Variants in RAB28 observed in about 807,000 individuals in gnomAD.
The protein encoded by RAB28 is RAB28, member RAS oncogene family, also known as ras-related protein Rab-28.
Under a neutral mutation model 31.7 loss-of-function variants are expected in RAB28, and 24 were observed. That is an observed-to-expected ratio of 0.76 (90% CI 0.55 to 1.06). The LOEUF is 1.06. Among genes scored for constraint, RAB28 ranks in the 50% least tolerant of loss-of-function variants. The probability of loss-of-function intolerance (pLI) is 0.00; values close to 1 mark genes in which losing one functional copy is unlikely to be tolerated. For missense variants in RAB28, 254 were observed against 258.5 expected (o/e 0.98, Z 0.12); for synonymous variants, 100 against 90.4 (o/e 1.11, Z -0.60).
At chr4:13,442,143 T>C (rs761246325) in intron 4 of RAB28, among the ~76,000 whole-genome samples, 50 of 152,200 alleles carry the variant, frequency 3.3e-4, no homozygotes, top group Middle Eastern at 3.2e-3. Flanking sequence ...ACGTTCACCA[T>C]TTACAATTTT....
chr4:13,420,570 G>A (rs199989178), intron 4 of RAB28, among the ~76,000 whole-genome samples: 2 of 151,854 alleles, frequency 1.3e-5, no homozygotes, highest in African/African-American at 4.8e-5. Flanking sequence ...AGATCAAGTC[G>A]GCTTCATCCC....
chr4:13,418,157 T>C (rs185232904), intron 4 of RAB28, among the ~76,000 whole-genome samples: 297 of 152,192 alleles, frequency 2.0e-3, no homozygotes, highest in African/African-American at 6.8e-3. Flanking sequence ...GTATCAGCGA[T>C]TGAAGATCAA....
At chr4:13,483,291 C>G (rs1038504320) in intron 1 of RAB28, among the ~76,000 whole-genome samples, 17 of 152,088 alleles carry the variant, frequency 1.1e-4, no homozygotes, top group Non-Finnish European at 2.1e-4. Flanking sequence ...TTCTCACGCC[C>G]GCATTCATTC....
intron 4 of RAB28, among the ~76,000 whole-genome samples, chr4:13,452,431 G>T (rs944696809): frequency 9.2e-5 from 14 of 151,788 alleles, no homozygotes; most frequent in African/African-American, 3.1e-4. Context: ...TCTTAGTATT[G>T]CTTTTGCTGT....
chr4:13,427,630 G>C (rs1460911476), intron 4 of RAB28, among the ~76,000 whole-genome samples: 1 of 152,170 alleles, frequency 6.6e-6, no homozygotes, highest in African/African-American at 2.4e-5. Flanking sequence ...GTTTCCTTCA[G>C]TATATTTTTT....
intron 4 of RAB28, among the ~76,000 whole-genome samples, chr4:13,384,118 G>C (rs1403575626): frequency 6.6e-6 from 1 of 152,084 alleles, no homozygotes; most frequent in Non-Finnish European, 1.5e-5. Context: ...CAACACTGCC[G>C]CAAGAGTGAA....
chr4:13,391,278 T>C (rs974312004), intron 4 of RAB28, among the ~76,000 whole-genome samples: 2 of 152,176 alleles, frequency 1.3e-5, no homozygotes, highest in Admixed American at 1.3e-4. Flanking sequence ...AGAAGACATT[T>C]ATGCGGCCAA....
intron 3 of RAB28, among the ~76,000 whole-genome samples, chr4:13,473,360 C>T (rs1170974828): frequency 6.6e-6 from 1 of 151,802 alleles, no homozygotes; most frequent in African/African-American, 2.4e-5. Context: ...AGAAGATACA[C>T]ACTAATTAAA....
chr4:13,420,280 A>T (rs949706017), intron 4 of RAB28, among the ~76,000 whole-genome samples: 1 of 152,172 alleles, frequency 6.6e-6, no homozygotes, highest in Non-Finnish European at 1.5e-5. Context: ...CTACCAACCA[A>T]AAAAAGGCCA....
At chr4:13,456,854 AAC>A (rs1715329389) in intron 4 of RAB28, among the ~76,000 whole-genome samples, 1 of 152,218 alleles carries the variant, frequency 6.6e-6, no homozygotes, top group African/African-American at 2.4e-5. Context: ...CTGGATAGTT[AAC>A]CATAAAATTT....
At chr4:13,467,832 T>C (rs925291334) in intron 3 of RAB28, among the ~76,000 whole-genome samples, 2 of 151,946 alleles carry the variant, frequency 1.3e-5, no homozygotes, top group African/African-American at 4.8e-5. Flanking sequence ...AAAAGACATA[T>C]TGTCAAAGGA....
At chr4:13,421,359 C>T (rs1394551858) in intron 4 of RAB28, among the ~76,000 whole-genome samples, 1 of 152,090 alleles carries the variant, frequency 6.6e-6, no homozygotes, top group South Asian at 2.1e-4. Flanking sequence ...CAATGCCATC[C>T]CCATCAAGCT....
chr4:13,398,157 CT>C (rs929862582), intron 4 of RAB28, among the ~76,000 whole-genome samples: 6 of 152,070 alleles, frequency 3.9e-5, no homozygotes, highest in Non-Finnish European at 8.8e-5. Context: ...TAAGTAAATC[CT>C]TTTTATATTT....
chr4:13,405,697 G>A (rs1474439350), intron 4 of RAB28, among the ~76,000 whole-genome samples: 1 of 152,046 alleles, frequency 6.6e-6, no homozygotes, highest in African/African-American at 2.4e-5. Context: ...CCATTTTTCA[G>A]AATATTCACT....
At chr4:13,392,558 A>T (rs1330769008) in intron 4 of RAB28, among the ~76,000 whole-genome samples, 3 of 152,228 alleles carry the variant, frequency 2.0e-5, no homozygotes, top group African/African-American at 7.2e-5. Flanking sequence ...GTGCAAAGTG[A>T]TAAAGAATGC....
At chr4:13,376,417 A>G (rs780488495) in intron 6 of RAB28, 128 bp downstream of exon 6, 100 of 594,004 alleles carry the variant, frequency 1.7e-4, no homozygotes, top group Non-Finnish European at 2.6e-4. Flanking sequence ...ATTCATACAT[A>G]CAATCTATTC....
chr4:13,397,435 T>G (rs1560276289), intron 4 of RAB28, among the ~76,000 whole-genome samples: 1 of 152,078 alleles, frequency 6.6e-6, no homozygotes, highest in Non-Finnish European at 1.5e-5. Flanking sequence ...ATAGTTATTC[T>G]TTAAACCACT....
At position 13,484,065 on chromosome 4, in the gene RAB28, C is replaced by G. The variant is rs2108982025; in HGVS notation, c.75+11G>C. 2.5e-6 allele frequency: 4 copies of G among 1,587,928 alleles called. No homozygotes were observed. The highest frequency in any genetic ancestry group is 3.4e-6 in the Non-Finnish European group (4 of 1,167,956). ...GCAGGCCTGGGACGGCGGGCCTGCT[C>G]GAGGACTGACCTTCCCGGAGGCGCC... On this transcript the variant is annotated intron_variant, in intron 1 of 6. Coordinates refer to ENST00000330852, the MANE Select transcript of RAB28 (RefSeq NM_001017979.3).
At position 13,447,610 on chromosome 4, in the gene RAB28, T is replaced by C. The variant is rs190475449; in HGVS notation, c.391+13089A>G. The stretch of plus-strand genomic sequence containing the variant: ...ATTCTAACTTCAGGAACAATTTAAA[T>C]TTTTTTTAAAAAAGCGATTTAGAGC... On this transcript the variant is annotated intron_variant, in intron 4 of 6. Coordinates refer to ENST00000330852, the MANE Select transcript of RAB28 (RefSeq NM_001017979.3). 5.1e-4 allele frequency among the ~76,000 whole-genome samples: 78 copies of C among 152,232 alleles called. No homozygotes were observed. In the East Asian group the frequency reaches 0.014, roughly 27 times the overall value.
Sources: gnomAD v4.1 joint callset for allele counts (sites outside exome capture counted in the v4.1 genomes callset) on GRCh38, gnomAD v4.1.1 for gene constraint, MANE v1.5 for transcripts, NCBI Gene and HGNC (gene_info 2026-07-23, HGNC 2026-07-21) for gene names.